Variants in ATXN1 observed in about 807,000 individuals in gnomAD.
The protein encoded by ATXN1 is ataxin 1.
ATXN1 carries 8 observed loss-of-function variants against 56.4 expected under a neutral mutation model. That is an observed-to-expected ratio of 0.14 (90% CI 0.08 to 0.26). The LOEUF (loss-of-function observed/expected upper bound fraction) is 0.26. ATXN1 is among the 10% of genes least tolerant of loss of function. The probability of loss-of-function intolerance (pLI) is 1.00; values close to 1 mark genes in which losing one functional copy is unlikely to be tolerated. For synonymous variants in ATXN1, 514 were observed against 494.6 expected (o/e 1.04, Z -0.52); for missense variants, 987 against 1,106.5 (o/e 0.89, Z 1.53).
At chr6:16,349,901 T>C (rs1412613358) in intron 6 of ATXN1, among the ~76,000 whole-genome samples, 1 of 152,260 alleles carries the variant, frequency 6.6e-6, no homozygotes, top group Non-Finnish European at 1.5e-5. Flanking sequence ...GCTTTCTGGC[T>C]TATTTGAACG....
chr6:16,506,420 T>C lies in ATXN1; in HGVS notation c.-299+16207A>G, dbSNP rs1321568443. 3.9e-5 allele frequency among the ~76,000 whole-genome samples: 6 copies of C among 152,158 alleles called. No individual in the cohort carries two copies. The highest frequency in any genetic ancestry group is 5.9e-5 in the Non-Finnish European group (4 of 68,020). On this transcript the variant is annotated intron_variant, in intron 5 of 7. Transcript: ENST00000436367. This position sits in a 1 kb window ranked among gnomAD's most constrained non-coding sequence, Gnocchi z 4.1. Reference sequence around the variant, plus strand: ...CTCCTCTGACCTCCCCCTTTTAAAATTTCCAGAAAATAAGACATTCTGATG... The same window carrying C: ...CTCCTCTGACCTCCCCCTTTTAAAACTTCCAGAAAATAAGACATTCTGATG...
Position 16,666,215 on chromosome 6 carries a change from A to G in ATXN1, c.-614-8314T>C, listed in dbSNP as rs774485211. 2.6e-5 allele frequency among the ~76,000 whole-genome samples: 4 copies of G among 152,254 alleles called. No homozygotes were observed. In the South Asian group the frequency reaches 6.2e-4, roughly 24 times the overall value. ...TGACGTCATGTTTCTTAGCTCCCTC[A>G]TATGAGTGAGAATATGTGATATTTG... On this transcript the variant is annotated intron_variant, in intron 2 of 7. Coordinates refer to ENST00000436367, the MANE Select transcript of ATXN1 (RefSeq NM_001128164.2).
rs536193651 is a variant in ATXN1, at chr6:16,474,767, T to G, written c.-161+11205A>C. Among the ~76,000 whole-genome samples, 3 of 152,268 alleles carry G rather than the reference T, an allele frequency of 2.0e-5. No homozygotes were observed. The East Asian group carries it at 5.8e-4, about 29-fold the overall frequency. ...TAAAGGAATTGCCTGTTTTCTCATT[T>G]CTTTCCCCAGTGACTGAAAGCTCCT... On this transcript the variant is annotated intron_variant, in intron 6 of 7. Coordinates refer to ENST00000436367, the MANE Select transcript of ATXN1 (RefSeq NM_001128164.2).
At chr6:16,753,095 C>A in intron 2 of ATXN1, 138 bp downstream of exon 2, 1 of 357,340 alleles carries the variant, frequency 2.8e-6, no homozygotes, top group African/African-American at 2.1e-5. Flanking sequence ...CTCAACTTCC[C>A]ACACTATGCC....
At chr6:16,335,073 C>T (rs761011072) in intron 6 of ATXN1, among the ~76,000 whole-genome samples, 2 of 152,196 alleles carry the variant, frequency 1.3e-5, no homozygotes, top group African/African-American at 2.4e-5. Flanking sequence ...GTTGGGTGTT[C>T]GAACTACTTA....
chr6:16,461,290 A>C (rs1581778939), intron 6 of ATXN1, among the ~76,000 whole-genome samples: 1 of 152,238 alleles, frequency 6.6e-6, no homozygotes, highest in Non-Finnish European at 1.5e-5. Context: ...TTAACGGCAG[A>C]AGAGGGAAAG....
intron 6 of ATXN1, among the ~76,000 whole-genome samples, chr6:16,390,709 C>CA (rs1758336522): frequency 6.6e-6 from 1 of 151,852 alleles, no homozygotes; most frequent in African/African-American, 2.4e-5. Context: ...CACACACACG[C>CA]ATGCACACAA....
chr6:16,706,041 G>A (rs764467896), intron 2 of ATXN1, among the ~76,000 whole-genome samples: 6 of 151,760 alleles, frequency 4.0e-5, no homozygotes, highest in Non-Finnish European at 5.9e-5. Flanking sequence ...CCTCACTATG[G>A]ACCTACCAAA....
intron 2 of ATXN1, among the ~76,000 whole-genome samples, chr6:16,688,557 C>G (rs952743038): frequency 5.3e-5 from 8 of 152,294 alleles, no homozygotes; most frequent in Non-Finnish European, 8.8e-5. Flanking sequence ...CTGCTTAACA[C>G]TATAGGTTGA....
intron 6 of ATXN1, among the ~76,000 whole-genome samples, chr6:16,455,020 G>T (rs571178041): frequency 6.6e-6 from 1 of 152,196 alleles, no homozygotes; most frequent in Non-Finnish European, 1.5e-5. Flanking sequence ...GAGGATATAT[G>T]AACTTGAGGT....
At chr6:16,404,961 C>T (rs149790055) in intron 6 of ATXN1, among the ~76,000 whole-genome samples, 46 of 152,276 alleles carry the variant, frequency 3.0e-4, no homozygotes, top group African/African-American at 9.4e-4. Flanking sequence ...ACACCTAAAA[C>T]ATTAATGCTA....
chr6:16,393,523 T>C (rs1045667546), intron 6 of ATXN1, among the ~76,000 whole-genome samples: 1 of 152,204 alleles, frequency 6.6e-6, no homozygotes, highest in South Asian at 2.1e-4. Flanking sequence ...GTGTGAACCA[T>C]CATGATGGTT....
chr6:16,584,946 A>C (rs1762596408), intron 4 of ATXN1, among the ~76,000 whole-genome samples: 1 of 152,148 alleles, frequency 6.6e-6, no homozygotes, highest in African/African-American at 2.4e-5. Context: ...TGAAAGCAAT[A>C]AAATGTCTGG....
At chr6:16,690,994 G>A (rs1759032984) in intron 2 of ATXN1, among the ~76,000 whole-genome samples, 1 of 152,192 alleles carries the variant, frequency 6.6e-6, no homozygotes, top group Non-Finnish European at 1.5e-5. Context: ...AGATAAGAAG[G>A]AAGACAGTAA....
At chr6:16,325,008 C>T (rs2113405648) in intron 7 of ATXN1, among the ~76,000 whole-genome samples, 1 of 152,212 alleles carries the variant, frequency 6.6e-6, no homozygotes, top group East Asian at 1.9e-4. Context: ...CCAACCAGTC[C>T]AGAGCTAATT....
At chr6:16,308,347 C>CG (rs1395152186) in intron 7 of ATXN1, among the ~76,000 whole-genome samples, 6 of 151,742 alleles carry the variant, frequency 4.0e-5, no homozygotes, top group Non-Finnish European at 7.4e-5. Context: ...CACACACACA[C>CG]ACACACACAC....
At chr6:16,627,303 A>G (rs1164576459) in intron 3 of ATXN1, among the ~76,000 whole-genome samples, 2 of 152,188 alleles carry the variant, frequency 1.3e-5, no homozygotes, top group African/African-American at 4.8e-5. Context: ...GTTACCTTCT[A>G]AGATGTGAGA....
intron 6 of ATXN1, among the ~76,000 whole-genome samples, chr6:16,440,648 A>AAAAAAAAAAAAAAAAAAAAAAAAAAAG (rs748929817): frequency 2.5e-5 from 3 of 118,548 alleles, no homozygotes; most frequent in African/African-American, 1.1e-4. Context: ...CTTAAAAAAA[A>AAAAAAAAAAAAAAAAAAAAAAAAAAAG]AAAAGAAAAG....
intron 7 of ATXN1, among the ~76,000 whole-genome samples, chr6:16,325,188 G>A (rs1334747759): frequency 6.6e-6 from 1 of 151,540 alleles, no homozygotes; most frequent in Non-Finnish European, 1.5e-5. Context: ...CCTGATCTCG[G>A]CTCACTGCAA....
Sources: gnomAD v4.1 joint callset for allele counts (sites outside exome capture counted in the v4.1 genomes callset) on GRCh38, gnomAD v4.1.1 for gene constraint, Gnocchi (gnomAD v3.1) non-coding constraint, MANE v1.5 for transcripts, NCBI Gene and HGNC (gene_info 2026-07-23, HGNC 2026-07-21) for gene names.